CCDC134: variants seen among roughly 807,000 people sequenced by gnomAD.
CCDC134 encodes coiled-coil domain-containing protein 134.
Under a neutral mutation model 25.6 loss-of-function variants are expected in CCDC134, and 27 were observed. The ratio of observed to expected loss-of-function variants is 1.05; its 90% CI spans 0.78 to 1.45. CCDC134 has a LOEUF of 1.45. CCDC134 is among the 40% of genes most tolerant of loss of function. The probability of loss-of-function intolerance (pLI) is 0.00; values close to 1 mark genes in which losing one functional copy is unlikely to be tolerated. For synonymous variants in CCDC134, 110 were observed against 115.0 expected (o/e 0.96, Z 0.28); for missense variants, 261 against 286.7 (o/e 0.91, Z 0.65).
intron 1 of CCDC134, among the ~76,000 whole-genome samples, chr22:41,804,676 G>A (rs1015081692): frequency 8.5e-5 from 13 of 152,224 alleles, no homozygotes; most frequent in Non-Finnish European, 1.5e-4. Flanking sequence ...TTCACTGTAA[G>A]GCTGGGAATC....
intron 6 of CCDC134, among the ~76,000 whole-genome samples, chr22:41,820,228 C>T (rs2076644612): frequency 6.6e-6 from 1 of 151,468 alleles, no homozygotes; most frequent in South Asian, 2.1e-4. Flanking sequence ...GATCTTCTGA[C>T]CTCGTGATCC....
chr22:41,813,678 A>G (rs748166264), intron 5 of CCDC134, 73 bp from the exon 6 acceptor site: 1 of 1,490,960 alleles, frequency 6.7e-7, no homozygotes, highest in Non-Finnish European at 9.4e-7. Context: ...GGGTCCCAGC[A>G]TGGAAGGAAT....
At position 41,813,755 on chromosome 22, in the gene CCDC134, C is replaced by T. The variant is rs1178852172; in HGVS notation, c.497C>T (p.Ala166Val). Reference protein sequence around the residue: ...GPHSPILSLMAQELGISEKDS... With the variant: ...GPHSPILSLMVQELGISEKDS... ...CTAGTGTTTCTTCATCTGCAGATGGCCCAGGAGCTGGGGATCAGTGAGAAA... is the reference window on the plus strand; with the variant it reads ...CTAGTGTTTCTTCATCTGCAGATGGTCCAGGAGCTGGGGATCAGTGAGAAA... The change falls in exon 6 of 7, where the codon GCC becomes GTC. Residue 166 changes from alanine to valine, a missense_variant. Transcript: ENST00000255784. The T allele has an allele frequency of 6.2e-7, 1 of 1,614,004 alleles. No individual in the cohort carries two copies.
Position 41,830,474 on chromosome 22 carries a change from TCA to T in CCDC134, c.*4657_*4658del, listed in dbSNP as rs1000901611. 2.0e-5 allele frequency among the ~76,000 whole-genome samples: 3 copies of T among 152,088 alleles called. No homozygotes were observed. Among genetic ancestry groups the T allele is most frequent in the African/African-American group, 7.2e-5 (3 of 41,402 alleles). ...TTGCTGAATCCCCCCAGAGTACCAGTCACACACCAGTGTGAGGGGCCTTGCAA... is the reference window on the plus strand; with the variant it reads ...TTGCTGAATCCCCCCAGAGTACCAGTCACACCAGTGTGAGGGGCCTTGCAA... On this transcript the variant is annotated 3_prime_UTR_variant, in exon 7 of 7. Transcript: ENST00000255784.
rs1300993254 is a variant in CCDC134 at position 41,813,373 on chromosome 22, C to T, written c.420C>T (p.Ile140=). The change falls in exon 5 of 7, where the codon ATC becomes ATT. Residue 140 remains isoleucine (I), a synonymous_variant. Transcript: ENST00000255784. ...FDHNSNWNLL[I]RWGISFCNQT... is the part of the protein sequence containing the mutation. ...ACAACTCCAACTGGAACCTCCTCAT[C>T]CGCTGGGGTATCAGTTTCTGCAACC... The T allele has an allele frequency of 6.2e-7, 1 of 1,614,104 alleles. No individual in the cohort carries two copies. Among genetic ancestry groups the T allele is most frequent in the African/African-American group, 1.3e-5 (1 of 74,926 alleles).
At chr22:41,814,579 A>G (rs570026368) in intron 6 of CCDC134, among the ~76,000 whole-genome samples, 116 of 150,090 alleles carry the variant, frequency 7.7e-4, no homozygotes, top group East Asian at 2.3e-3. Flanking sequence ...AAAAAAAAAA[A>G]GGGGGGACAG....
rs1232580823 is a variant in CCDC134, at chr22:41,813,814, C to T, written c.556C>T (p.Arg186Cys). 10 of 1,613,988 alleles carry T rather than the reference C, an allele frequency of 6.2e-6. No homozygotes were observed. Among genetic ancestry groups the T allele is most frequent in the South Asian group, 3.3e-5 (3 of 91,082 alleles). Residue 186 changes from arginine to cysteine, a missense_variant, in exon 6 of 7, where the codon CGC becomes TGC. By Grantham distance (180) the Arg-to-Cys change is radical. Coordinates refer to ENST00000255784, the MANE Select transcript of CCDC134 (RefSeq NM_024821.5). Reference protein sequence around the residue: ...SNFQNPFKIDRTEFIPSTDPF... With the variant: ...SNFQNPFKIDCTEFIPSTDPF... ...CTTCCAGAACCCATTTAAAATCGAC[C>T]GCACAGAGGTGAGCTGCCAGGGCCT...
rs772186107 is a variant in CCDC134 at position 41,813,799 on chromosome 22, C to T, written c.541C>T (p.Pro181Ser). The T allele has an allele frequency of 1.1e-5, 18 of 1,614,192 alleles. No individual in the cohort carries two copies. The highest frequency in any genetic ancestry group is 3.3e-4 in the Middle Eastern group (2 of 6,062). Residue 181 changes from proline to serine, a missense_variant, in exon 6 of 7, where the codon CCA (proline) becomes TCA (serine). Pro to Ser is a moderately conservative substitution (Grantham distance 74, BLOSUM62 -1). Transcript: ENST00000255784. ...ISEKDSNFQNPFKIDRTEFIP... is the reference protein window; with the variant it reads ...ISEKDSNFQNSFKIDRTEFIP... ...TGAGAAAGACTCCAACTTCCAGAAC[C>T]CATTTAAAATCGACCGCACAGAGGT...
At chr22:41,814,110 T>TAGCTAG (rs2076611326) in intron 6 of CCDC134, among the ~76,000 whole-genome samples, 2 of 152,098 alleles carry the variant, frequency 1.3e-5, no homozygotes, top group Admixed American at 1.3e-4. Flanking sequence ...CCACTTCAGG[T>TAGCTAG]GGATATCAGG....
intron 2 of CCDC134, among the ~76,000 whole-genome samples, 200 bp from the exon 3 acceptor site, chr22:41,809,679 G>T (rs1264849820): frequency 6.6e-6 from 1 of 152,182 alleles, no homozygotes; most frequent in Admixed American, 6.5e-5. Context: ...TTCTGGGTGT[G>T]GAGCGCCATG....
At chr22:41,817,864 G>A (rs909493093) in intron 6 of CCDC134, among the ~76,000 whole-genome samples, 4 of 152,228 alleles carry the variant, frequency 2.6e-5, no homozygotes, top group Non-Finnish European at 5.9e-5. Flanking sequence ...ATGCATGGCT[G>A]TTAGGAAGGA....
chr22:41,818,440 C>T (rs2076633008), intron 6 of CCDC134, among the ~76,000 whole-genome samples: 1 of 152,188 alleles, frequency 6.6e-6, no homozygotes, highest in East Asian at 1.9e-4. Context: ...TGGTGGGGAC[C>T]CTCCTGAAAT....
chr22:41,815,121 G>T (rs2076616225), intron 6 of CCDC134, among the ~76,000 whole-genome samples: 2 of 151,734 alleles, frequency 1.3e-5, no homozygotes, highest in Non-Finnish European at 2.9e-5. Flanking sequence ...GATGCTCAGG[G>T]CCATGATGGA....
intron 1 of CCDC134, among the ~76,000 whole-genome samples, chr22:41,802,094 C>A (rs1478169080): frequency 6.6e-6 from 1 of 152,030 alleles, no homozygotes; most frequent in Non-Finnish European, 1.5e-5. Flanking sequence ...TTTTTGTGAT[C>A]TTGTTATCAG....
chr22:41,816,792 C>A (rs1569356955), intron 6 of CCDC134, among the ~76,000 whole-genome samples: 1 of 152,162 alleles, frequency 6.6e-6, no homozygotes, highest in Non-Finnish European at 1.5e-5. Flanking sequence ...GTGGCGCATG[C>A]CTGGAGTCCT....
chr22:41,815,739 G>A (rs1372412862), intron 6 of CCDC134, among the ~76,000 whole-genome samples: 1 of 151,904 alleles, frequency 6.6e-6, no homozygotes, highest in Non-Finnish European at 1.5e-5. Context: ...TGAACTCCTG[G>A]GCTCAAACAG....
intron 6 of CCDC134, among the ~76,000 whole-genome samples, chr22:41,822,103 G>A (rs2076655225): frequency 6.6e-6 from 1 of 152,118 alleles, no homozygotes; most frequent in Non-Finnish European, 1.5e-5. Context: ...TGGCATGCTT[G>A]AGGCTATGGA....
At chr22:41,814,799 G>A (rs1038935871) in intron 6 of CCDC134, among the ~76,000 whole-genome samples, 1 of 152,178 alleles carries the variant, frequency 6.6e-6, no homozygotes, top group Non-Finnish European at 1.5e-5. Context: ...ACATTGGACT[G>A]TATTACAGCA....
At chr22:41,822,853 T>G (rs1034706754) in intron 6 of CCDC134, among the ~76,000 whole-genome samples, 4 of 152,222 alleles carry the variant, frequency 2.6e-5, no homozygotes, top group Admixed American at 2.6e-4. Context: ...CCACATGCTA[T>G]GTGACTCACT....
Sources: gnomAD v4.1 joint callset for allele counts (sites outside exome capture counted in the v4.1 genomes callset) on GRCh38, gnomAD v4.1.1 for gene constraint, MANE v1.5 for transcripts, NCBI Gene and HGNC (gene_info 2026-07-23, HGNC 2026-07-21) for gene names.